GSAP: variants seen among roughly 807,000 people sequenced by gnomAD.
GSAP encodes gamma-secretase activating protein.
In GSAP, 118 loss-of-function variants were observed where a neutral mutation model predicts 131.7. The ratio of observed to expected loss-of-function variants is 0.90; its 90% CI spans 0.77 to 1.04. The LOEUF is 1.04. GSAP is among the 50% of genes least tolerant of loss of function. GSAP has a pLI of 0.00. For synonymous variants in GSAP, 381 were observed against 363.4 expected (o/e 1.05, Z -0.55); for missense variants, 1,019 against 1,013.2 (o/e 1.01, Z -0.08).
intron 19 of GSAP, among the ~76,000 whole-genome samples, chr7:77,337,397 A>G (rs1158742298): frequency 2.0e-5 from 3 of 151,938 alleles, no homozygotes; most frequent in Non-Finnish European, 4.4e-5. Context: ...CTGGTCTCGA[A>G]CTCCTGGCCC....
intron 26 of GSAP, among the ~76,000 whole-genome samples, chr7:77,317,200 G>A (rs112566020): frequency 0.081 from 12,325 of 152,102 alleles, 712 homozygotes; most frequent in Non-Finnish European, 0.11. Context: ...AGCCATAAAA[G>A]AGGATGAGTT....
chr7:77,372,987 T>G lies in GSAP; in HGVS notation c.871+1083A>C, dbSNP rs531137481. On this transcript the variant is annotated intron_variant, in intron 12 of 30. Coordinates refer to ENST00000257626, the MANE Select transcript of GSAP (RefSeq NM_017439.4). ...GAGTACAGCTGAGGGATACCTGGGA[T>G]GGACAGGAAAAAGAGGAATGGATTA... is the stretch of plus-strand genomic sequence containing the variant. Among the ~76,000 whole-genome samples the G allele has an allele frequency of 1.4e-4, 21 of 152,110 alleles. No homozygotes were observed. In the South Asian group the frequency reaches 4.4e-3, roughly 32 times the overall value.
At chr7:77,342,020 A>T (rs1186679459) in intron 19 of GSAP, among the ~76,000 whole-genome samples, 2 of 151,918 alleles carry the variant, frequency 1.3e-5, no homozygotes, top group Non-Finnish European at 2.9e-5. Context: ...AGCCTGGGAT[A>T]CCTCCTAAGC....
intron 8 of GSAP, 78 bp downstream of exon 8, chr7:77,381,224 CATT>C: frequency 1.5e-6 from 1 of 661,978 alleles, no homozygotes; most frequent in South Asian, 2.3e-5. Flanking sequence ...ATATCAATAA[CATT>C]ATCTTTAGCA....
intron 19 of GSAP, among the ~76,000 whole-genome samples, chr7:77,349,148 A>T (rs1792385266): frequency 6.6e-6 from 1 of 152,210 alleles, no homozygotes; most frequent in Non-Finnish European, 1.5e-5. Flanking sequence ...AACTTCCTTC[A>T]AAGAGCATTC....
In GSAP at chr7:77,310,972, T is replaced by G. The variant is rs1439013754; in HGVS notation, c.*386A>C. 1 of 162,274 alleles carries G rather than the reference T, an allele frequency of 6.2e-6. No individual in the cohort carries two copies. Among genetic ancestry groups the G allele is most frequent in the African/African-American group, 2.4e-5 (1 of 41,752 alleles). 10.1% of individuals were successfully genotyped at this position (162,274 alleles called of 1,614,324 possible). On this transcript the variant is annotated 3_prime_UTR_variant, in exon 31 of 31. Transcript: ENST00000257626. ...AGTGTTCTTATGTAACATTTAATTT[T>G]TATGCCTATTATTTCAATGACACAC...
intron 26 of GSAP, among the ~76,000 whole-genome samples, chr7:77,316,471 G>T (rs1294861267): frequency 6.6e-6 from 1 of 152,076 alleles, no homozygotes; most frequent in Non-Finnish European, 1.5e-5. Context: ...TGTGTTAATG[G>T]GCTAACAGGA....
chr7:77,323,712 T>C lies in GSAP; in HGVS notation c.1858A>G (p.Arg620Gly), dbSNP rs1584253576. ...MVSELKDHFL[R>G]HLQGVEKKKI... ...TTCTTTTCTACACCCTGTAGGTGTCTCAAAAAATGGTCTTTTAGCTCAGAC... is the reference window on the plus strand; with the variant it reads ...TTCTTTTCTACACCCTGTAGGTGTCCCAAAAAATGGTCTTTTAGCTCAGAC... Residue 620 changes from arginine to glycine, a missense_variant, in exon 24 of 31, where the codon AGA (arginine) becomes GGA (glycine). By Grantham distance (125) the Arg-to-Gly change is moderately radical. Coordinates refer to ENST00000257626, the MANE Select transcript of GSAP (RefSeq NM_017439.4). 6.2e-7 allele frequency: 1 copy of C among 1,600,832 alleles called. No individual in the cohort carries two copies. The highest frequency in any genetic ancestry group is 8.5e-7 in the Non-Finnish European group (1 of 1,169,796).
chr7:77,365,236 T>C (rs1341915084), intron 12 of GSAP, among the ~76,000 whole-genome samples: 1 of 152,174 alleles, frequency 6.6e-6, no homozygotes, highest in Non-Finnish European at 1.5e-5. Flanking sequence ...GGAATTTTTT[T>C]TAACTTCTAT....
chr7:77,386,617 C>T (rs58075562), intron 6 of GSAP, among the ~76,000 whole-genome samples: 1,715 of 152,320 alleles, frequency 0.011, 39 homozygotes, highest in African/African-American at 0.039. Flanking sequence ...AGGCATCTGA[C>T]AGCCTTCTTG....
intron 3 of GSAP, among the ~76,000 whole-genome samples, chr7:77,403,430 A>C (rs1489210166): frequency 6.6e-6 from 1 of 152,188 alleles, no homozygotes; most frequent in African/African-American, 2.4e-5. Context: ...GTAATGGATA[A>C]AGGACATTTA....
At chr7:77,337,320 G>A (rs1046612592) in intron 19 of GSAP, among the ~76,000 whole-genome samples, 5 of 151,608 alleles carry the variant, frequency 3.3e-5, no homozygotes, top group African/African-American at 7.3e-5. Context: ...GGTTACAGGC[G>A]TGTACCACCA....
chr7:77,315,964 A>T (rs1794926284), intron 26 of GSAP: 1 of 152,212 alleles, frequency 6.6e-6, no homozygotes, highest in Non-Finnish European at 1.5e-5. Flanking sequence ...AGACATTTTT[A>T]AAAATGTGAC....
intron 8 of GSAP, among the ~76,000 whole-genome samples, chr7:77,377,840 C>T (rs1242559197): frequency 1.3e-5 from 2 of 152,200 alleles, no homozygotes; most frequent in East Asian, 3.9e-4. Context: ...GCAATGACCC[C>T]AATTTGGCCA....
intron 1 of GSAP, 28 bp downstream of exon 1, chr7:77,416,185 A>G (rs977298467): frequency 3.2e-6 from 1 of 312,570 alleles, no homozygotes; most frequent in Non-Finnish European, 4.9e-6. Flanking sequence ...CCCCGCCCCC[A>G]CCCCTCTCCG....
At chr7:77,340,785 C>T (rs1790795961) in intron 19 of GSAP, among the ~76,000 whole-genome samples, 1 of 152,140 alleles carries the variant, frequency 6.6e-6, no homozygotes. Flanking sequence ...CCCACATTCC[C>T]TTGGTGGCAA....
intron 2 of GSAP, 51 bp from the exon 3 acceptor site, chr7:77,404,666 G>A (rs1485247337): frequency 9.3e-7 from 1 of 1,076,354 alleles, no homozygotes; most frequent in Non-Finnish European, 1.4e-6. Flanking sequence ...TAGGAAGTTA[G>A]AATGTTACTA....
At chr7:77,353,754 G>T in intron 16 of GSAP, 113 bp from the exon 17 acceptor site, 1 of 651,162 alleles carries the variant, frequency 1.5e-6, no homozygotes, top group Non-Finnish European at 2.7e-6. Context: ...TTTTAGAATT[G>T]CCTAAGAATA....
chr7:77,351,992 G>A (rs541199670), intron 18 of GSAP, among the ~76,000 whole-genome samples: 3 of 152,268 alleles, frequency 2.0e-5, no homozygotes, highest in African/African-American at 7.2e-5. Flanking sequence ...ACAAGTTCAG[G>A]CCTTTCTTTC....
Sources: gnomAD v4.1 joint callset for allele counts (sites outside exome capture counted in the v4.1 genomes callset) on GRCh38, gnomAD v4.1.1 for gene constraint, MANE v1.5 for transcripts, NCBI Gene and HGNC (gene_info 2026-07-23, HGNC 2026-07-21) for gene names.